Variants in ERC2 observed in about 807,000 individuals in gnomAD.
ERC2 encodes the protein ERC protein 2.
In ERC2, 42 loss-of-function variants were observed where a neutral mutation model predicts 114.8. The observed-to-expected ratio is 0.37, with a 90% CI of 0.29 to 0.47. The LOEUF is 0.47. ERC2 is among the 20% of genes least tolerant of loss of function. The pLI, the probability that ERC2 is intolerant of heterozygous loss-of-function variation, is 0.99. For missense variants in ERC2, 939 were observed against 1,150.7 expected (o/e 0.82, Z 2.66); for synonymous variants, 454 against 425.5 (o/e 1.07, Z -0.82).
At chr3:56,461,267 G>A (rs2063306744) in intron 1 of ERC2, among the ~76,000 whole-genome samples, 1 of 152,188 alleles carries the variant, frequency 6.6e-6, no homozygotes, top group Non-Finnish European at 1.5e-5. Flanking sequence ...CAAAGATGGT[G>A]TATCAGTAAA....
intron 17 of ERC2, among the ~76,000 whole-genome samples, chr3:55,636,482 T>C (rs940451420): frequency 2.6e-5 from 4 of 152,188 alleles, no homozygotes; most frequent in African/African-American, 9.6e-5. Flanking sequence ...GGACACTTTG[T>C]GGGCTTGGCA....
chr3:56,355,940 T>C (rs895502654), intron 2 of ERC2, among the ~76,000 whole-genome samples: 5 of 152,130 alleles, frequency 3.3e-5, no homozygotes, highest in Non-Finnish European at 5.9e-5. Context: ...GTCTCTGAAA[T>C]TCCTCAGGAG....
intron 16 of ERC2, among the ~76,000 whole-genome samples, chr3:55,684,218 C>A (rs2148779578): frequency 6.6e-6 from 1 of 152,164 alleles, no homozygotes; most frequent in Non-Finnish European, 1.5e-5. Context: ...TAGATTAAAC[C>A]TTTTAAGTAA....
chr3:55,736,151 C>T (rs941265684), intron 14 of ERC2, among the ~76,000 whole-genome samples: 3 of 152,198 alleles, frequency 2.0e-5, no homozygotes, highest in African/African-American at 7.2e-5. Flanking sequence ...TCTTTCAAAA[C>T]ATTATAAGCC....
intron 12 of ERC2, chr3:55,955,014 C>A: frequency 2.8e-6 from 1 of 351,892 alleles, no homozygotes; most frequent in South Asian, 2.4e-5. Context: ...GAAAAGCCTT[C>A]AGGATATACT....
chr3:55,935,028 G>C (rs751242037), intron 13 of ERC2, among the ~76,000 whole-genome samples: 2 of 152,110 alleles, frequency 1.3e-5, no homozygotes, highest in Non-Finnish European at 2.9e-5. Context: ...CTCCAAAGAT[G>C]TAGCCTTTAC....
chr3:55,563,349 T>C (rs2056162788), intron 17 of ERC2, among the ~76,000 whole-genome samples: 1 of 150,566 alleles, frequency 6.6e-6, no homozygotes, highest in Admixed American at 6.6e-5. Flanking sequence ...TTTTTTTTAC[T>C]TCAAGGACCA....
chr3:55,921,598 A>G (rs2065434645), intron 13 of ERC2, among the ~76,000 whole-genome samples: 1 of 152,158 alleles, frequency 6.6e-6, no homozygotes, highest in South Asian at 2.1e-4. Flanking sequence ...GGCTTCTAAG[A>G]TCATTATAGC....
At chr3:56,391,904 C>A (rs966147934) in intron 2 of ERC2, among the ~76,000 whole-genome samples, 1 of 152,004 alleles carries the variant, frequency 6.6e-6, no homozygotes, top group East Asian at 1.9e-4. Flanking sequence ...TCATAATATC[C>A]CAGATCATAT....
intron 3 of ERC2, among the ~76,000 whole-genome samples, chr3:56,203,239 A>C (rs2048506547): frequency 1.3e-5 from 2 of 152,182 alleles, no homozygotes; most frequent in Non-Finnish European, 2.9e-5. Flanking sequence ...ATTTGATTAA[A>C]CTATCATTAA....
intron 14 of ERC2, among the ~76,000 whole-genome samples, chr3:55,812,934 G>T (rs9861193): frequency 0.027 from 4,150 of 152,358 alleles, 196 homozygotes; most frequent in African/African-American, 0.094. Context: ...GTATCATGGT[G>T]AAATTAACTC....
At chr3:56,437,751 T>A (rs1227448399) in intron 1 of ERC2, among the ~76,000 whole-genome samples, 1 of 152,234 alleles carries the variant, frequency 6.6e-6, no homozygotes, top group African/African-American at 2.4e-5. Context: ...TCAATAGTTC[T>A]AACATAAGAA....
At chr3:56,313,904 C>T (rs2056739688) in intron 2 of ERC2, among the ~76,000 whole-genome samples, 1 of 152,152 alleles carries the variant, frequency 6.6e-6, no homozygotes, top group Admixed American at 6.5e-5. Flanking sequence ...AATGATATGA[C>T]AGTGCTATGA....
chr3:56,265,375 T>C (rs2053224455), intron 3 of ERC2, among the ~76,000 whole-genome samples: 1 of 152,130 alleles, frequency 6.6e-6, no homozygotes, highest in Non-Finnish European at 1.5e-5. Context: ...CTTCAATAAA[T>C]GCTATTGGGG....
Position 55,840,306 on chromosome 3 carries a change from G to T in ERC2, c.2564+48083C>A, listed in dbSNP as rs189013987. Among the ~76,000 whole-genome samples the T allele has an allele frequency of 5.9e-5, 9 of 151,954 alleles. No individual in the cohort carries two copies. The East Asian group carries it at 1.7e-3, about 30-fold the overall frequency. ...AACAAGTAAACAAACAATACAAAATGGGCAAAATATATGAACAAACATTTC... is the reference window on the plus strand; with the variant it reads ...AACAAGTAAACAAACAATACAAAATTGGCAAAATATATGAACAAACATTTC... On this transcript the variant is annotated intron_variant, in intron 14 of 17. Transcript: ENST00000288221.
chr3:55,610,064 C>CAAAAAAAAAAAAAAAAAAAACAAAAAA (rs2058829291), intron 17 of ERC2, among the ~76,000 whole-genome samples: 2 of 118,696 alleles, frequency 1.7e-5, no homozygotes, highest in African/African-American at 5.7e-5. Context: ...CAAACACAAA[C>CAAAAAAAAAAAAAAAAAAAACAAAAAA]AAAAAAAAAA....
At chr3:55,733,511 T>C (rs1449093044) in intron 15 of ERC2, among the ~76,000 whole-genome samples, 115 of 46,284 alleles carry the variant, frequency 2.5e-3, no homozygotes, top group Admixed American at 4.9e-3. Flanking sequence ...CTCTCTCTCA[T>C]TCTCTCTGTC....
chr3:56,379,888 A>G (rs1000878138), intron 2 of ERC2, among the ~76,000 whole-genome samples: 1 of 152,304 alleles, frequency 6.6e-6, no homozygotes, highest in South Asian at 2.1e-4. Flanking sequence ...GATGATGATG[A>G]TAAGAACTAA....
chr3:56,138,979 C>G (rs1485769964), intron 6 of ERC2, among the ~76,000 whole-genome samples: 2 of 152,170 alleles, frequency 1.3e-5, no homozygotes, highest in Non-Finnish European at 2.9e-5. Context: ...ATTGAAGATA[C>G]TCCTTAGTAA....
Sources: gnomAD v4.1 joint callset for allele counts (sites outside exome capture counted in the v4.1 genomes callset) on GRCh38, gnomAD v4.1.1 for gene constraint, MANE v1.5 for transcripts, NCBI Gene and HGNC (gene_info 2026-07-23, HGNC 2026-07-21) for gene names.